CNTNAP5: variants seen among roughly 807,000 people sequenced by gnomAD.
The protein encoded by CNTNAP5 is contactin associated protein family member 5, also known as contactin-associated protein-like 5.
Under a neutral mutation model 150.2 loss-of-function variants are expected in CNTNAP5, and 72 were observed. That is an observed-to-expected ratio of 0.48 (90% CI 0.40 to 0.58). CNTNAP5 has a LOEUF of 0.58. Among genes scored for constraint, CNTNAP5 ranks in the 20% least tolerant of loss-of-function variants. The pLI is 0.00. For missense variants in CNTNAP5, 1,636 were observed against 1,626.2 expected (o/e 1.01, Z -0.10); for synonymous variants, 672 against 619.8 (o/e 1.08, Z -1.25).
chr2:124,851,091 G>T (rs368020052), intron 19 of CNTNAP5, among the ~76,000 whole-genome samples: 3 of 152,184 alleles, frequency 2.0e-5, no homozygotes, highest in Non-Finnish European at 4.4e-5. Context: ...CAGGCCGGGC[G>T]CAATGGCTCA....
intron 1 of CNTNAP5, among the ~76,000 whole-genome samples, chr2:124,134,152 G>A (rs893690633): frequency 2.6e-5 from 4 of 152,158 alleles, no homozygotes; most frequent in Non-Finnish European, 4.4e-5. Context: ...GGCCAAAGTT[G>A]AGGTGTTGTC....
At chr2:124,620,898 T>C (rs1677601338) in intron 12 of CNTNAP5, among the ~76,000 whole-genome samples, 1 of 152,168 alleles carries the variant, frequency 6.6e-6, no homozygotes, top group East Asian at 1.9e-4. Context: ...ATGAATGATA[T>C]TACATAGTCA....
intron 3 of CNTNAP5, among the ~76,000 whole-genome samples, chr2:124,320,409 G>A (rs1269434046): frequency 6.6e-6 from 1 of 152,098 alleles, no homozygotes; most frequent in Admixed American, 6.6e-5. Flanking sequence ...TAGTAATATT[G>A]AAGAACTTGT....
At chr2:124,080,189 C>T (rs1454072355) in intron 1 of CNTNAP5, among the ~76,000 whole-genome samples, 2 of 152,180 alleles carry the variant, frequency 1.3e-5, no homozygotes, top group Admixed American at 6.5e-5. Context: ...TCTCTCCCAA[C>T]TGCCCCTCAC....
intron 3 of CNTNAP5, among the ~76,000 whole-genome samples, chr2:124,251,957 C>G (rs934868300): frequency 2.6e-5 from 4 of 152,168 alleles, no homozygotes. Context: ...AACAGCTCAG[C>G]TGACTGGGTG....
intron 7 of CNTNAP5, among the ~76,000 whole-genome samples, chr2:124,490,086 C>T (rs1394361353): frequency 1.3e-5 from 2 of 152,116 alleles, no homozygotes; most frequent in Admixed American, 6.6e-5. Context: ...GTAATCCCAG[C>T]ATTTTGGAAG....
intron 10 of CNTNAP5, among the ~76,000 whole-genome samples, chr2:124,540,817 A>C (rs1180420510): frequency 6.6e-6 from 1 of 152,120 alleles, no homozygotes; most frequent in Non-Finnish European, 1.5e-5. Flanking sequence ...AGCTCCATGG[A>C]AGGACACACA....
chr2:124,732,468 C>G (rs1029193593), intron 13 of CNTNAP5, among the ~76,000 whole-genome samples: 2 of 151,986 alleles, frequency 1.3e-5, no homozygotes, highest in East Asian at 1.9e-4. Flanking sequence ...GATTAATGCC[C>G]TTAGAAAACA....
At chr2:124,638,198 AT>A (rs1678012086) in intron 12 of CNTNAP5, among the ~76,000 whole-genome samples, 1 of 149,244 alleles carries the variant, frequency 6.7e-6, no homozygotes, top group Non-Finnish European at 1.5e-5. Flanking sequence ...TGAGATATAT[AT>A]AATACATATA....
At chr2:124,354,193 T>C (rs1043788810) in intron 3 of CNTNAP5, among the ~76,000 whole-genome samples, 1 of 152,196 alleles carries the variant, frequency 6.6e-6, no homozygotes, top group African/African-American at 2.4e-5. Context: ...GTAAAAATTA[T>C]TGTCTGCTTT....
intron 8 of CNTNAP5, among the ~76,000 whole-genome samples, chr2:124,510,518 TAC>T (rs1553474715): frequency 8.0e-5 from 10 of 124,868 alleles, no homozygotes; most frequent in African/African-American, 1.3e-4. Context: ...TATATATATA[TAC>T]ATATATCTCC....
intron 22 of CNTNAP5, among the ~76,000 whole-genome samples, chr2:124,910,146 C>A (rs1239773506): frequency 1.3e-5 from 2 of 151,900 alleles, no homozygotes; most frequent in Non-Finnish European, 1.5e-5. Flanking sequence ...ACTCCCTTCA[C>A]TTGAAGACAC....
intron 1 of CNTNAP5, among the ~76,000 whole-genome samples, chr2:124,087,101 T>A (rs1312764564): frequency 1.3e-5 from 2 of 151,806 alleles, no homozygotes; most frequent in African/African-American, 4.9e-5. Context: ...TGCCCCTTTA[T>A]CCTTCGCCTT....
intron 13 of CNTNAP5, among the ~76,000 whole-genome samples, chr2:124,661,975 A>G (rs1414817277): frequency 1.3e-5 from 2 of 151,982 alleles, no homozygotes; most frequent in Non-Finnish European, 2.9e-5. Context: ...TACATTAGGT[A>G]TTTCTCCTAA....
chr2:124,482,682 G>A (rs1339176342), intron 7 of CNTNAP5, among the ~76,000 whole-genome samples: 1 of 152,036 alleles, frequency 6.6e-6, no homozygotes, highest in Non-Finnish European at 1.5e-5. Context: ...CCTTGTCTTT[G>A]GTGTGAAAAA....
intron 3 of CNTNAP5, among the ~76,000 whole-genome samples, chr2:124,390,429 C>T (rs1217315118): frequency 6.6e-6 from 1 of 152,118 alleles, no homozygotes; most frequent in Non-Finnish European, 1.5e-5. Context: ...CCCACCTGTC[C>T]CTGCTTCTTT....
intron 13 of CNTNAP5, among the ~76,000 whole-genome samples, chr2:124,671,509 T>C (rs1046964546): frequency 6.6e-6 from 1 of 152,214 alleles, no homozygotes; most frequent in Non-Finnish European, 1.5e-5. Context: ...CTCATGGCCC[T>C]ATAATTTAAT....
chr2:124,424,046 A>C lies in CNTNAP5; in HGVS notation c.529+6456A>C, dbSNP rs72839492. Among the ~76,000 whole-genome samples the C allele has an allele frequency of 2.4e-3, 371 of 152,264 alleles. 1 individual carries two copies. The highest frequency in any genetic ancestry group is 4.3e-3 in the Non-Finnish European group (292 of 68,016). On this transcript the variant is annotated intron_variant, in intron 4 of 23. Coordinates refer to ENST00000682447, the MANE Select transcript of CNTNAP5 (RefSeq NM_001367498.1). Reference sequence around the variant, plus strand: ...CCTCCCAGTCTCATTATGAATTACAAACATCATTTTGTACTTCAGGTCGCC... The same window carrying C: ...CCTCCCAGTCTCATTATGAATTACACACATCATTTTGTACTTCAGGTCGCC...
intron 19 of CNTNAP5, among the ~76,000 whole-genome samples, chr2:124,860,480 CTTCCTTCCTTCCTTCCTTCCTTCT>C (rs1558803869): frequency 1.9e-4 from 17 of 90,708 alleles, no homozygotes; most frequent in African/African-American, 1.0e-3. Context: ...TCCTTCCTTC[CTTCCTTCCTTCCTTCCTTCCTTCT>C]TTCCTTCCTT....
Sources: allele counts gnomAD v4.1 joint callset (sites outside exome capture counted in the v4.1 genomes callset), GRCh38; gene constraint gnomAD v4.1.1; transcripts MANE v1.5; gene names NCBI Gene and HGNC (gene_info 2026-07-23, HGNC 2026-07-21).